Variants in KNL1 observed in about 807,000 individuals in gnomAD.
KNL1 encodes kinetochore scaffold 1, also known as outer kinetochore KNL1 complex subunit KNL1.
In KNL1, 66 loss-of-function variants were observed where a neutral mutation model predicts 201.3. The ratio of observed to expected loss-of-function variants is 0.33; its 90% CI spans 0.27 to 0.40. The LOEUF (loss-of-function observed/expected upper bound fraction) is 0.40. KNL1 is among the 10% of genes least tolerant of loss of function. The probability of loss-of-function intolerance (pLI) is 1.00; values close to 1 mark genes in which losing one functional copy is unlikely to be tolerated. For synonymous variants in KNL1, 895 were observed against 899.2 expected, an observed-to-expected ratio of 1.00 and a Z score of 0.08; for missense variants, 2,815 against 2,690.5, an observed-to-expected ratio of 1.05 and a Z score of -1.02.
intron 12 of KNL1, 87 bp from the exon 13 acceptor site, chr15:40,629,186 A>ATT: frequency 1.4e-6 from 1 of 695,830 alleles, no homozygotes; most frequent in Non-Finnish European, 2.4e-6. Flanking sequence ...TATACAAGAT[A>ATT]CCTTAAGCTT....
intron 17 of KNL1, 23 bp from the exon 18 acceptor site, chr15:40,650,278 C>T: frequency 7.0e-7 from 1 of 1,436,706 alleles, no homozygotes; most frequent in Non-Finnish European, 9.7e-7. Flanking sequence ...CTGAATTATT[C>T]TAACAAATAC....
At chr15:40,630,552 A>G (rs901532033) in intron 13 of KNL1, among the ~76,000 whole-genome samples, 48 of 152,260 alleles carry the variant, frequency 3.2e-4, no homozygotes, top group African/African-American at 1.1e-3. Context: ...GCCACTTCCC[A>G]TTGCTTGCAT....
intron 24 of KNL1, among the ~76,000 whole-genome samples, chr15:40,658,196 G>A (rs1299072386): frequency 6.6e-6 from 1 of 151,660 alleles, no homozygotes; most frequent in African/African-American, 2.4e-5. Context: ...AACCCAGGAG[G>A]CGGAGGTTGC....
At chr15:40,655,807 T>C (rs1893711785) in intron 22 of KNL1, among the ~76,000 whole-genome samples, 1 of 151,260 alleles carries the variant, frequency 6.6e-6, no homozygotes, top group South Asian at 2.1e-4. Context: ...TCCCAGCTAC[T>C]TGGGAGGCTG....
rs773685703 is a variant in KNL1, at chr15:40,623,510, T to C, written c.3246T>C (p.His1082=). 1.2e-6 allele frequency: 2 copies of C among 1,613,004 alleles called. No homozygotes were observed. The highest frequency in any genetic ancestry group is 1.7e-5 in the Admixed American group (1 of 59,814). The part of the protein sequence containing the change: ...NDKTIVFSEN[H]KNDMDITQSC... Reference sequence around the variant, plus strand: ...AGACCATTGTATTTTCAGAGAATCATAAAAATGATATGGATATTACCCAGA... The same window carrying C: ...AGACCATTGTATTTTCAGAGAATCACAAAAATGATATGGATATTACCCAGA... Residue 1082 remains histidine, a synonymous_variant, in exon 10 of 26, where the codon CAT becomes CAC. Transcript: ENST00000399668.
chr15:40,621,565 A>G lies in KNL1; in HGVS notation c.1301A>G (p.Asn434Ser). 6.2e-7 allele frequency: 1 copy of G among 1,610,482 alleles called. No individual in the cohort carries two copies. The highest frequency in any genetic ancestry group is 8.5e-7 in the Non-Finnish European group (1 of 1,178,204). ...GCKTVFYSSC[N>S]DAMEMTKCLS... The stretch of plus-strand genomic sequence containing the variant: ...AAGACTGTTTTCTATTCTAGTTGTA[A>G]TGATGCCATGGAAATGACCAAATGT... Residue 434 changes from asparagine to serine, a missense_variant, in exon 10 of 26, where the codon AAT (asparagine) becomes AGT (serine). Coordinates refer to ENST00000399668, the MANE Select transcript of KNL1 (RefSeq NM_144508.5).
rs1467811331 is a variant in KNL1, at chr15:40,623,661, A to G, written c.3397A>G (p.Thr1133Ala). The G allele has an allele frequency of 6.2e-7, 1 of 1,613,784 alleles. No homozygotes were observed. Among genetic ancestry groups the G allele is most frequent in the African/African-American group, 1.3e-5 (1 of 74,914 alleles). The change falls in exon 10 of 26, where the codon ACA becomes GCA. Residue 1133 changes from threonine to alanine, a missense_variant. By Grantham distance (58) the Thr-to-Ala change is moderately conservative. Transcript: ENST00000399668. ...QDDMEITRSH[T>A]TALECKTLLP... Reference sequence around the variant, plus strand: ...TGACATGGAGATCACTAGGAGTCACACAACTGCCTTAGAATGTAAAACTCT... The same window carrying G: ...TGACATGGAGATCACTAGGAGTCACGCAACTGCCTTAGAATGTAAAACTCT...
chr15:40,657,758 T>A (rs1893776556), intron 24 of KNL1, among the ~76,000 whole-genome samples: 8 of 152,178 alleles, frequency 5.3e-5, no homozygotes, highest in Admixed American at 5.2e-4. Flanking sequence ...ATAAGGACAC[T>A]AGTCATAGTG....
intron 13 of KNL1, among the ~76,000 whole-genome samples, chr15:40,639,648 C>T (rs930518208): frequency 1.3e-5 from 2 of 151,478 alleles, no homozygotes; most frequent in African/African-American, 2.4e-5. Flanking sequence ...CTCACATGCA[C>T]CTGTAGTCCC....
intron 9 of KNL1, 96 bp from the exon 10 acceptor site, chr15:40,620,544 A>G: frequency 1.5e-6 from 1 of 685,110 alleles, no homozygotes. Context: ...GTGTTATGAA[A>G]CCATCACTGA....
chr15:40,610,176 T>G (rs750490269), intron 5 of KNL1, 69 bp from the exon 6 acceptor site: 30 of 876,214 alleles, frequency 3.4e-5, no homozygotes, highest in Non-Finnish European at 5.5e-5. Flanking sequence ...CAACACAGAC[T>G]ATAAATCAAC....
chr15:40,623,298 G>C lies in KNL1; in HGVS notation c.3034G>C (p.Asp1012His). Reference protein sequence around the residue: ...NGESDRLVANDSQLTPLEEWS... With the variant: ...NGESDRLVANHSQLTPLEEWS... Reference sequence around the variant, plus strand: ...TGAAAGTGACCGTCTAGTAGCAAATGACAGCCAGCTAACCCCTCTGGAGGA... The same window carrying C: ...TGAAAGTGACCGTCTAGTAGCAAATCACAGCCAGCTAACCCCTCTGGAGGA... The change falls in exon 10 of 26, where the codon GAC (aspartate) becomes CAC (histidine). Residue 1012 changes from aspartate to histidine, a missense_variant. Physicochemically the swap from Asp to His is moderately conservative, Grantham distance 81. Transcript: ENST00000399668. 1 of 1,613,912 alleles carries C rather than the reference G, an allele frequency of 6.2e-7. No homozygotes were observed. The highest frequency in any genetic ancestry group is 8.5e-7 in the Non-Finnish European group (1 of 1,179,854).
chr15:40,622,030 C>G lies in KNL1; in HGVS notation c.1766C>G (p.Ala589Gly). 1 of 1,614,054 alleles carries G rather than the reference C, an allele frequency of 6.2e-7. No homozygotes were observed. Reference protein sequence around the residue: ...TSNLGSQVPLAAYNLAPESTS... With the variant: ...TSNLGSQVPLGAYNLAPESTS... ...AACTTAGGAAGTCAGGTTCCTCTTGCAGCTTATAATCTAGCACCGGAGAGT... is the reference window on the plus strand; with the variant it reads ...AACTTAGGAAGTCAGGTTCCTCTTGGAGCTTATAATCTAGCACCGGAGAGT... Residue 589 changes from alanine to glycine, a missense_variant, in exon 10 of 26, where the codon GCA (alanine) becomes GGA (glycine). Ala to Gly is a moderately conservative substitution (Grantham distance 60). Around this residue, in one of 3 missense-constraint regions of KNL1, gnomAD observed 2,464 missense variants for 2,291.7 expected, o/e 1.08. Transcript: ENST00000399668.
At chr15:40,636,296 A>G (rs1893055033) in intron 13 of KNL1, among the ~76,000 whole-genome samples, 1 of 152,222 alleles carries the variant, frequency 6.6e-6, no homozygotes, top group Non-Finnish European at 1.5e-5. Context: ...TACCCACTGC[A>G]TACAGCATAG....
At chr15:40,640,619 T>C (rs535308541) in intron 13 of KNL1, among the ~76,000 whole-genome samples, 1 of 152,096 alleles carries the variant, frequency 6.6e-6, no homozygotes, top group East Asian at 1.9e-4. Context: ...TCCTGGTAAG[T>C]TGAATTTTTA....
intron 24 of KNL1, 146 bp downstream of exon 24, chr15:40,657,619 C>T (rs1005322838): frequency 1.8e-6 from 1 of 570,710 alleles, no homozygotes; most frequent in Non-Finnish European, 3.1e-6. Flanking sequence ...CATGCCTTCT[C>T]CCAGTGTCTG....
At position 40,632,211 on chromosome 15, in the gene KNL1, C is replaced by CCA. The variant is rs1266755963; in HGVS notation, c.5682+2841_5682+2842insAC. Among the ~76,000 whole-genome samples the CCA allele has an allele frequency of 7.2e-5, 4 of 55,272 alleles. 1 individual carries two copies. The highest frequency in any genetic ancestry group is 1.3e-4 in the Non-Finnish European group (3 of 23,102). 36.3% of individuals were successfully genotyped at this position (55,272 alleles called of 152,430 possible). On this transcript the variant is annotated intron_variant, in intron 13 of 25. Coordinates refer to ENST00000399668, the MANE Select transcript of KNL1 (RefSeq NM_144508.5). ...GACCAGCCTGGGCAACATAGCGAGA[C>CCA]CCCCCCCCACCCACATCTTTTAATT...
rs12907984 is a variant in KNL1 at position 40,605,388 on chromosome 15, G to A, written c.75+239G>A. The stretch of plus-strand genomic sequence containing the variant: ...GCTATGTAAGTTATACTTCAATAAA[G>A]CTGTTTAAAAGATATGTTTAACCTG... On this transcript the variant is annotated intron_variant, in intron 3 of 25. Transcript: ENST00000399668. Among the ~76,000 whole-genome samples the A allele has an allele frequency of 0.25, 38,563 of 152,060 alleles. 6,011 individuals are homozygous for A. The highest frequency in any genetic ancestry group is 0.37 in the Middle Eastern group (108 of 294).
intron 7 of KNL1, among the ~76,000 whole-genome samples, chr15:40,613,779 TTTATTTTTA>T (rs1892249141): frequency 6.6e-6 from 1 of 151,298 alleles, no homozygotes; most frequent in Non-Finnish European, 1.5e-5. Context: ...GCTAATTTAT[TTTATTTTTA>T]TTATTTTATT....
Sources: gnomAD v4.1 joint callset for allele counts (sites outside exome capture counted in the v4.1 genomes callset) on GRCh38, gnomAD v4.1.1 for gene constraint, gnomAD v4.1.1 regional missense constraint, MANE v1.5 for transcripts, NCBI Gene and HGNC (gene_info 2026-07-23, HGNC 2026-07-21) for gene names.